The following KCNK18 variants were observed in gnomAD, a reference collection of about 807,000 sequenced individuals.
KCNK18 encodes potassium two pore domain channel subfamily K member 18.
Under a neutral mutation model 11.8 loss-of-function variants are expected in KCNK18, and 8 were observed. The observed-to-expected ratio is 0.68, with a 90% CI of 0.40 to 1.22. KCNK18 has a LOEUF of 1.22. KCNK18 is among the 50% of genes most tolerant of loss of function. KCNK18 has a pLI of 0.01. For synonymous variants in KCNK18, 208 were observed against 185.8 expected, an observed-to-expected ratio of 1.12 and a Z score of -0.97; for missense variants, 442 against 465.4, an observed-to-expected ratio of 0.95 and a Z score of 0.46.
chr10:117,208,931 G>C (rs1243300294), intron 2 of KCNK18, among the ~76,000 whole-genome samples: 1 of 152,076 alleles, frequency 6.6e-6, no homozygotes, highest in East Asian at 1.9e-4. Flanking sequence ...AGTTGAGATA[G>C]GGTTTCACTA....
intron 2 of KCNK18, among the ~76,000 whole-genome samples, chr10:117,207,432 A>G (rs1323904069): frequency 2.0e-5 from 3 of 152,178 alleles, no homozygotes; most frequent in African/African-American, 7.2e-5. Flanking sequence ...GTGGTTTTTA[A>G]AATTAATGTC....
chr10:117,206,201 A>T (rs971557561), intron 2 of KCNK18, among the ~76,000 whole-genome samples: 4 of 152,154 alleles, frequency 2.6e-5, no homozygotes, highest in African/African-American at 9.7e-5. Context: ...GATTTCAAAA[A>T]TGAAGGTGTT....
intron 1 of KCNK18, among the ~76,000 whole-genome samples, chr10:117,198,531 T>C (rs958396271): frequency 6.6e-6 from 1 of 152,232 alleles, no homozygotes; most frequent in Non-Finnish European, 1.5e-5. Flanking sequence ...TAGTCACTTG[T>C]TTCTACTCTG....
At position 117,209,611 on chromosome 10, in the gene KCNK18, C is replaced by A; in HGVS notation, c.467C>A (p.Ala156Glu). Residue 156 changes from alanine to glutamate, a missense_variant, in exon 3 of 3, where the codon GCA becomes GAA. Physicochemically the swap from Ala to Glu is moderately radical, Grantham distance 107. Transcript: ENST00000334549. Reference protein sequence around the residue: ...LVLTDTGDILATILSTSYNRF... With the variant: ...LVLTDTGDILETILSTSYNRF... ...CTCACGGACACAGGCGACATCCTGG[C>A]AACCATCTTATCTACATCTTATAAT... is the stretch of plus-strand genomic sequence containing the variant. The A allele has an allele frequency of 6.2e-7, 1 of 1,614,188 alleles. No homozygotes were observed. The highest frequency in any genetic ancestry group is 2.2e-5 in the East Asian group (1 of 44,872).
chr10:117,202,206 G>C (rs1035009709), intron 2 of KCNK18, among the ~76,000 whole-genome samples: 2 of 152,258 alleles, frequency 1.3e-5, no homozygotes, highest in Non-Finnish European at 2.9e-5. Flanking sequence ...ATGGAGCACA[G>C]TGGCCAGCCT....
chr10:117,200,231 C>T (rs56830166), intron 1 of KCNK18, among the ~76,000 whole-genome samples: 10,159 of 152,180 alleles, frequency 0.067, 553 homozygotes, highest in Admixed American at 0.16. Context: ...GTGTGTGCCA[C>T]CACACCCGGC....
intron 1 of KCNK18, among the ~76,000 whole-genome samples, chr10:117,199,246 C>T (rs1054034458): frequency 2.6e-5 from 4 of 152,126 alleles, no homozygotes; most frequent in Admixed American, 1.3e-4. Context: ...CTTGAGCCTA[C>T]GAGTTTGAGG....
intron 2 of KCNK18, among the ~76,000 whole-genome samples, chr10:117,205,241 T>A (rs1376891686): frequency 6.6e-6 from 1 of 152,214 alleles, no homozygotes; most frequent in Non-Finnish European, 1.5e-5. Context: ...ACAGGCCAAG[T>A]GCAGTGAACT....
rs755715797 is a variant in KCNK18 at position 117,209,704 on chromosome 10, A to AGTG, written c.561_562insTGG (p.Lys187_Lys188insTrp). The AGTG allele has an allele frequency of 2.5e-6, 4 of 1,614,104 alleles. No homozygotes were observed. The highest frequency in any genetic ancestry group is 3.4e-6 in the Non-Finnish European group (4 of 1,180,020). On this transcript the variant is annotated inframe_insertion, in exon 3 of 3. Transcript: ENST00000334549. ...AAGTGGTGCCCCAAATCTCTCTTCAAGAAAAAACCGGACCCCAAGCCCGCA... is the reference window on the plus strand; with the variant it reads ...AAGTGGTGCCCCAAATCTCTCTTCAAGTGGAAAAAACCGGACCCCAAGCCCGCA...
In KCNK18 at chr10:117,209,989, C is replaced by G. The variant is rs267602384; in HGVS notation, c.845C>G (p.Pro282Arg). 2.5e-6 allele frequency: 4 copies of G among 1,614,170 alleles called. No individual in the cohort carries two copies. Among genetic ancestry groups the G allele is most frequent in the Non-Finnish European group, 3.4e-6 (4 of 1,180,020 alleles). The change falls in exon 3 of 3, where the codon CCC becomes CGC. Residue 282 changes from proline (P) to arginine (R), a missense_variant. Coordinates refer to ENST00000334549, the MANE Select transcript of KCNK18 (RefSeq NM_181840.1). ...VGQQVERLDIPLPIIALIVFA... is the reference protein window; with the variant it reads ...VGQQVERLDIRLPIIALIVFA... ...CAGCAGGTGGAGAGGTTGGACATCCCCCTCCCCATCATTGCCCTTATTGTT... is the reference window on the plus strand; with the variant it reads ...CAGCAGGTGGAGAGGTTGGACATCCGCCTCCCCATCATTGCCCTTATTGTT...
rs772930363 is a variant in KCNK18 at position 117,209,591 on chromosome 10, G to A, written c.447G>A (p.Thr149=). ...TCCCCCTGATGTTCCTCGTTCTCAC[G>A]GACACAGGCGACATCCTGGCAACCA... ...FGIPLMFLVL[T]DTGDILATIL... Residue 149 remains threonine (T), a synonymous_variant, in exon 3 of 3, where the codon ACG becomes ACA. Coordinates refer to ENST00000334549, the MANE Select transcript of KCNK18 (RefSeq NM_181840.1). 36 of 1,613,940 alleles carry A rather than the reference G, an allele frequency of 2.2e-5. No individual in the cohort carries two copies. The highest frequency in any genetic ancestry group is 3.3e-4 in the Middle Eastern group (2 of 6,084).
At chr10:117,199,770 G>A (rs1218014417) in intron 1 of KCNK18, among the ~76,000 whole-genome samples, 1 of 152,212 alleles carries the variant, frequency 6.6e-6, no homozygotes, top group African/African-American at 2.4e-5. Context: ...GAATCGATGT[G>A]TGTAGACTCC....
chr10:117,209,537 C>T lies in KCNK18; in HGVS notation c.393C>T (p.Tyr131=). ...ACCCCGTCACCAGGCTTGGCAAGTA[C>T]TTGTGCATGCTCTATGCTCTCTTTG... ...YIYPVTRLGK[Y]LCMLYALFGI... The change falls in exon 3 of 3, where the codon TAC becomes TAT. Residue 131 remains tyrosine, a synonymous_variant. Coordinates refer to ENST00000334549, the MANE Select transcript of KCNK18 (RefSeq NM_181840.1). The T allele has an allele frequency of 6.2e-7, 1 of 1,614,158 alleles. No individual in the cohort carries two copies. Among genetic ancestry groups the T allele is most frequent in the Non-Finnish European group, 8.5e-7 (1 of 1,180,024 alleles).
intron 1 of KCNK18, among the ~76,000 whole-genome samples, chr10:117,198,602 G>A (rs1406797017): frequency 6.6e-6 from 1 of 151,086 alleles, no homozygotes; most frequent in Non-Finnish European, 1.5e-5. Flanking sequence ...ACAAGGGAGA[G>A]TAGATAAATG....
rs1466624726 is a variant in KCNK18, at chr10:117,201,204, T to C, written c.269T>C (p.Val90Ala). Residue 90 changes from valine to alanine, a missense_variant, in exon 2 of 3, where the codon GTG becomes GCG. By Grantham distance (64) the Val-to-Ala change is moderately conservative. Transcript: ENST00000334549. ...GATCTCCAGGGGCATCTGCAGAAGG[T>C]GAAGCCTCAGTGGTTTAACAGGACC... is the stretch of plus-strand genomic sequence containing the variant. ...KQDLQGHLQK[V>A]KPQWFNRTTH... 1 of 1,614,184 alleles carries C rather than the reference T, an allele frequency of 6.2e-7. No homozygotes were observed. The highest frequency in any genetic ancestry group is 1.3e-5 in the African/African-American group (1 of 75,054).
At position 117,201,277 on chromosome 10, in the gene KCNK18, C is replaced by G; in HGVS notation, c.342C>G (p.Phe114Leu). Residue 114 changes from phenylalanine to leucine, a missense_variant, in exon 2 of 3, where the codon TTC (phenylalanine) becomes TTG (leucine). By Grantham distance (22) the Phe-to-Leu change is conservative. Transcript: ENST00000334549. Reference protein sequence around the residue: ...LSSLFFCCTVFSTVGYGYIYP... With the variant: ...LSSLFFCCTVLSTVGYGYIYP... ...CGCTCTTTTTCTGCTGCACGGTGTT[C>G]AGCACCGTGGGTAAGTGCAAAGCCA... 1.2e-6 allele frequency: 2 copies of G among 1,613,434 alleles called. No individual in the cohort carries two copies. The highest frequency in any genetic ancestry group is 2.2e-5 in the South Asian group (2 of 91,044).
chr10:117,206,960 C>T (rs1855083793), intron 2 of KCNK18, among the ~76,000 whole-genome samples: 1 of 152,178 alleles, frequency 6.6e-6, no homozygotes, highest in Non-Finnish European at 1.5e-5. Context: ...TTTGTGACCC[C>T]TTCCCAACAT....
chr10:117,205,144 C>G (rs1014609223), intron 2 of KCNK18, among the ~76,000 whole-genome samples: 1 of 152,190 alleles, frequency 6.6e-6, no homozygotes, highest in Admixed American at 6.5e-5. Context: ...GGATACCTGA[C>G]AGCTGTGAGG....
At chr10:117,202,095 G>A (rs1353166854) in intron 2 of KCNK18, among the ~76,000 whole-genome samples, 1 of 152,244 alleles carries the variant, frequency 6.6e-6, no homozygotes, top group African/African-American at 2.4e-5. Flanking sequence ...AAGGGACTGT[G>A]GGCCCTCTCC....
Sources: allele counts gnomAD v4.1 joint callset (sites outside exome capture counted in the v4.1 genomes callset), GRCh38; gene constraint gnomAD v4.1.1; transcripts MANE v1.5; gene names NCBI Gene and HGNC (gene_info 2026-07-23, HGNC 2026-07-21).